FSTL4: variants seen among roughly 807,000 people sequenced by gnomAD.
FSTL4 encodes follistatin like 4, also known as follistatin-related protein 4.
In FSTL4, 28 loss-of-function variants were observed where a neutral mutation model predicts 78.2. The ratio of observed to expected loss-of-function variants is 0.36; its 90% CI spans 0.27 to 0.49. The LOEUF (loss-of-function observed/expected upper bound fraction) is 0.49, where lower values mean the gene tolerates loss of function less well. Among genes scored for constraint, FSTL4 ranks in the 20% least tolerant of loss-of-function variants. The pLI is 0.98. For missense variants in FSTL4, 922 were observed against 1,084.9 expected (o/e 0.85, Z 2.11); for synonymous variants, 422 against 440.5 (o/e 0.96, Z 0.53).
At chr5:133,756,812 G>A in the FSTL4 span, among the ~76,000 whole-genome samples, 8 of 152,082 alleles carry the variant, frequency 5.3e-5, no homozygotes, top group South Asian at 1.7e-3. Flanking sequence ...ACCATCCCTG[G>A]GGGGTTGTAG....
chr5:133,706,447 C>T, the FSTL4 span, among the ~76,000 whole-genome samples: 1 of 152,110 alleles, frequency 6.6e-6, no homozygotes, highest in Non-Finnish European at 1.5e-5. Context: ...AGTTGCTTAA[C>T]TAGAATTACC....
At chr5:133,267,609 G>C (rs1289880170) in intron 6 of FSTL4, among the ~76,000 whole-genome samples, 1 of 152,028 alleles carries the variant, frequency 6.6e-6, no homozygotes, top group Non-Finnish European at 1.5e-5. Context: ...TTGCTAAAGG[G>C]GGGACTTGGT....
At chr5:133,325,899 G>A (rs1754200164) in intron 4 of FSTL4, among the ~76,000 whole-genome samples, 1 of 152,182 alleles carries the variant, frequency 6.6e-6, no homozygotes, top group Non-Finnish European at 1.5e-5. Context: ...CCATTAGCCT[G>A]GTAAGTCATG....
chr5:133,821,742 G>A, the FSTL4 span, among the ~76,000 whole-genome samples: 2 of 152,124 alleles, frequency 1.3e-5, no homozygotes, highest in African/African-American at 4.8e-5. Context: ...TCATCCCATG[G>A]GTTTATTAGG....
rs377260116 is a variant in FSTL4 at position 133,485,016 on chromosome 5, T to C, written c.160+82170A>G. On this transcript the variant is annotated intron_variant, in intron 3 of 15. Transcript: ENST00000265342. Reference sequence around the variant, plus strand: ...TGAAGGGTAACTTCAGCCAAAGAACTTTCTAGCTCTTCTCCTTTTTCTTTG... The same window carrying C: ...TGAAGGGTAACTTCAGCCAAAGAACCTTCTAGCTCTTCTCCTTTTTCTTTG... Among the ~76,000 whole-genome samples, 6 of 152,354 alleles carry C rather than the reference T, an allele frequency of 3.9e-5. No homozygotes were observed. The East Asian group carries it at 1.2e-3, about 29-fold the overall frequency.
the FSTL4 span, among the ~76,000 whole-genome samples, chr5:133,831,024 A>C: frequency 2.0e-5 from 3 of 152,054 alleles, no homozygotes; most frequent in South Asian, 2.1e-4. Context: ...AGTGCTGAAA[A>C]ACACAGGGCC....
At chr5:133,328,092 TA>T (rs1754258364) in intron 4 of FSTL4, among the ~76,000 whole-genome samples, 1 of 152,236 alleles carries the variant, frequency 6.6e-6, no homozygotes, top group Non-Finnish European at 1.5e-5. Flanking sequence ...TCTGCATGTC[TA>T]AGGCTTGACA....
chr5:133,253,433 C>A (rs1463021925), intron 6 of FSTL4, among the ~76,000 whole-genome samples: 1 of 152,254 alleles, frequency 6.6e-6, no homozygotes, highest in Non-Finnish European at 1.5e-5. Context: ...GGGCCCCCCT[C>A]GCTTTTGACT....
the FSTL4 span, among the ~76,000 whole-genome samples, chr5:133,659,180 A>G: frequency 6.6e-6 from 1 of 152,108 alleles, no homozygotes. Flanking sequence ...TTCAAGTATT[A>G]GTTTTTGAGA....
the FSTL4 span, among the ~76,000 whole-genome samples, chr5:133,738,986 C>T: frequency 3.9e-5 from 6 of 152,086 alleles, no homozygotes; most frequent in African/African-American, 1.4e-4. Context: ...CTGCTGTGGG[C>T]CTTACTAGGC....
At chr5:133,241,638 T>A (rs888349832) in intron 7 of FSTL4, among the ~76,000 whole-genome samples, 1 of 152,194 alleles carries the variant, frequency 6.6e-6, no homozygotes, top group Non-Finnish European at 1.5e-5. Context: ...TGAATGGGGC[T>A]TTGGCTCCTT....
At chr5:133,395,558 ACAC>A (rs1756007909) in intron 4 of FSTL4, among the ~76,000 whole-genome samples, 1 of 152,206 alleles carries the variant, frequency 6.6e-6, no homozygotes, top group Non-Finnish European at 1.5e-5. Flanking sequence ...TCTGGACACA[ACAC>A]TGGTCAGCTT....
chr5:133,571,649 A>T (rs1312409902), intron 2 of FSTL4, among the ~76,000 whole-genome samples: 1 of 152,198 alleles, frequency 6.6e-6, no homozygotes, highest in Non-Finnish European at 1.5e-5. Context: ...ACCACTAAAA[A>T]CCTGTAACCA....
rs7718776 is a variant in FSTL4 at position 133,233,558 on chromosome 5, G to A, written c.895-21C>T. ...AAGTCCTGCACAGGGCAAAGATGAC[G>A]ATGAGACTGGCCTCTTTATTGAACG... is the stretch of plus-strand genomic sequence containing the variant. On this transcript the variant is annotated intron_variant, in intron 7 of 15. Coordinates refer to ENST00000265342, the MANE Select transcript of FSTL4 (RefSeq NM_015082.2). The A allele has an allele frequency of 0.017, 25,993 of 1,570,058 alleles. 3,300 individuals are homozygous for A. In the African/African-American group the frequency reaches 0.35, roughly 21 times the overall value.
At chr5:133,280,328 C>T (rs1752982235) in intron 6 of FSTL4, among the ~76,000 whole-genome samples, 1 of 152,134 alleles carries the variant, frequency 6.6e-6, no homozygotes, top group African/African-American at 2.4e-5. Flanking sequence ...GGGGAGAGAC[C>T]TTGAAATGGC....
the FSTL4 span, among the ~76,000 whole-genome samples, chr5:133,831,200 G>A: frequency 6.6e-6 from 1 of 152,176 alleles, no homozygotes; most frequent in Non-Finnish European, 1.5e-5. Flanking sequence ...GGTAGCAAGA[G>A]AGCTGGACCC....
chr5:133,481,121 T>A (rs1045782234), intron 3 of FSTL4, among the ~76,000 whole-genome samples: 1 of 152,216 alleles, frequency 6.6e-6, no homozygotes, highest in Non-Finnish European at 1.5e-5. Context: ...ACCAAGGATG[T>A]CCTGAGGTCA....
chr5:133,689,864 C>A, the FSTL4 span, among the ~76,000 whole-genome samples: 5 of 152,062 alleles, frequency 3.3e-5, no homozygotes, highest in African/African-American at 4.8e-5. Flanking sequence ...TGTTCGAGAC[C>A]AGCCTGACCA....
intron 2 of FSTL4, among the ~76,000 whole-genome samples, chr5:133,572,319 C>T (rs1036729296): frequency 6.6e-6 from 1 of 151,948 alleles, no homozygotes; most frequent in Non-Finnish European, 1.5e-5. Context: ...TGCACATTTG[C>T]TATACAGGTA....
Sources: allele counts gnomAD v4.1 joint callset (sites outside exome capture counted in the v4.1 genomes callset), GRCh38; gene constraint gnomAD v4.1.1; transcripts MANE v1.5; gene names NCBI Gene and HGNC (gene_info 2026-07-23, HGNC 2026-07-21).